The following RNF125 variants were observed in gnomAD, a reference collection of about 807,000 sequenced individuals.
RNF125 encodes ring finger protein 125, also known as E3 ubiquitin-protein ligase RNF125.
In RNF125, 21 loss-of-function variants were observed where a neutral mutation model predicts 26.0. The ratio of observed to expected loss-of-function variants is 0.81; its 90% confidence interval spans 0.57 to 1.16. The LOEUF (loss-of-function observed/expected upper bound fraction) is 1.16, where lower values mean the gene tolerates loss of function less well. RNF125 is among the 50% of genes most tolerant of loss of function. RNF125 has a pLI of 0.00. For missense variants in RNF125, 270 were observed against 299.4 expected (o/e 0.90, Z 0.72); for synonymous variants, 95 against 109.2 (o/e 0.87, Z 0.81).
intron 1 of RNF125, 125 bp downstream of exon 1, chr18:32,019,152 A>G: frequency 8.6e-7 from 1 of 1,158,398 alleles, no homozygotes; most frequent in Non-Finnish European, 1.2e-6. Flanking sequence ...GCAGGGAGAA[A>G]CCTGGACCCG....
chr18:32,062,499 A>T (rs750939670), intron 4 of RNF125, among the ~76,000 whole-genome samples: 2 of 152,230 alleles, frequency 1.3e-5, no homozygotes, highest in Non-Finnish European at 2.9e-5. Context: ...AATTAAAAGG[A>T]TGTAATTTTA....
chr18:32,050,627 C>A (rs2039314480), intron 4 of RNF125, among the ~76,000 whole-genome samples: 1 of 152,000 alleles, frequency 6.6e-6, no homozygotes, highest in Admixed American at 6.6e-5. Flanking sequence ...GCATGAGCCA[C>A]TAAGCTCGGT....
At chr18:32,090,109 G>T in the RNF125 span, among the ~76,000 whole-genome samples, 1 of 152,212 alleles carries the variant, frequency 6.6e-6, no homozygotes, top group African/African-American at 2.4e-5. Context: ...AGTTTGGCAT[G>T]GTGGTGCATG....
At chr18:32,086,655 G>T in the RNF125 span, among the ~76,000 whole-genome samples, 588 of 152,098 alleles carry the variant, frequency 3.9e-3, 5 homozygotes, top group African/African-American at 0.014. Context: ...TAAGTAGCTG[G>T]GATTACAGGC....
downstream of RNF125, chr18:32,075,777 C>T: frequency 1.8e-6 from 1 of 561,648 alleles, no homozygotes. Context: ...TGCCATGCCA[C>T]CTTTTCACTG....
chr18:32,030,960 T>C (rs969042018), intron 1 of RNF125: 3 of 152,014 alleles, frequency 2.0e-5, no homozygotes, highest in Admixed American at 2.0e-4. Flanking sequence ...CCTCAGAGAG[T>C]TGGCTTTTAT....
intron 2 of RNF125, among the ~76,000 whole-genome samples, chr18:32,040,329 T>C (rs949580173): frequency 2.8e-5 from 4 of 144,868 alleles, no homozygotes; most frequent in Admixed American, 7.3e-5. Flanking sequence ...TGTAGTGCAG[T>C]GGCACCATCT....
At chr18:32,078,438 A>G in the RNF125 span, among the ~76,000 whole-genome samples, 2 of 152,132 alleles carry the variant, frequency 1.3e-5, no homozygotes, top group Non-Finnish European at 2.9e-5. Flanking sequence ...TCCTTCCTGT[A>G]GGATATAGCT....
At chr18:32,079,675 T>C in the RNF125 span, among the ~76,000 whole-genome samples, 1 of 152,208 alleles carries the variant, frequency 6.6e-6, no homozygotes, top group Non-Finnish European at 1.5e-5. Flanking sequence ...AAGATGTTCT[T>C]AATGAATAAT....
the RNF125 span, among the ~76,000 whole-genome samples, chr18:32,086,542 T>C: frequency 1.3e-5 from 2 of 151,432 alleles, no homozygotes; most frequent in Non-Finnish European, 2.9e-5. Flanking sequence ...TTTTTTAAGA[T>C]GGAGTTTTGC....
At chr18:32,045,048 G>A (rs956851357) in intron 3 of RNF125, among the ~76,000 whole-genome samples, 1 of 151,560 alleles carries the variant, frequency 6.6e-6, no homozygotes, top group South Asian at 2.1e-4. Flanking sequence ...AGCCCAGGAA[G>A]TGGAGGTTGC....
At chr18:32,083,267 C>A in the RNF125 span, among the ~76,000 whole-genome samples, 410 of 152,218 alleles carry the variant, frequency 2.7e-3, 4 homozygotes, top group African/African-American at 9.4e-3. Context: ...CAGATTAAGA[C>A]CCAAGTAAAG....
rs1341421116 is a variant in RNF125 at position 32,071,433 on chromosome 18, A to T, written c.*3049A>T. 1 of 152,130 alleles carries T rather than the reference A, an allele frequency of 6.6e-6. No individual in the cohort carries two copies. Among genetic ancestry groups the T allele is most frequent in the East Asian group, 1.9e-4 (1 of 5,196 alleles). The allele number at this position is 152,130 out of a possible 1,614,324, so 9.4% of individuals were successfully genotyped here. A position where few individuals can be genotyped will look rare whatever the true frequency, so the allele number is the denominator to read the frequency against. On this transcript the variant is annotated 3_prime_UTR_variant, in exon 6 of 6. Coordinates refer to ENST00000217740, the MANE Select transcript of RNF125 (RefSeq NM_017831.4). ...ACAGGTGTGTGCCACCGCGCCAGGC[A>T]ATTGCCCCCAGTTTTTATTTGATGG...
At chr18:32,039,250 G>T (rs1466579879) in intron 2 of RNF125, among the ~76,000 whole-genome samples, 1 of 151,788 alleles carries the variant, frequency 6.6e-6, no homozygotes, top group Non-Finnish European at 1.5e-5. Context: ...AAAAAAATTA[G>T]CTGGGGCATA....
At chr18:32,083,587 C>T in the RNF125 span, among the ~76,000 whole-genome samples, 36 of 152,266 alleles carry the variant, frequency 2.4e-4, no homozygotes, top group Middle Eastern at 0.01. Context: ...GCGAGGAAGC[C>T]GGGGCAGAAC....
At chr18:32,025,805 A>C (rs1227399729) in intron 1 of RNF125, among the ~76,000 whole-genome samples, 1 of 151,738 alleles carries the variant, frequency 6.6e-6, no homozygotes, top group African/African-American at 2.4e-5. Context: ...AGGCCTCTTC[A>C]TGTGGTATCA....
At chr18:32,058,132 TAAAAAAAA>T (rs780204451) in intron 4 of RNF125, among the ~76,000 whole-genome samples, 2 of 80,676 alleles carry the variant, frequency 2.5e-5, no homozygotes, top group African/African-American at 1.0e-4. Context: ...ACCCCATCTC[TAAAAAAAA>T]AAAAAAAAAA....
At position 32,062,614 on chromosome 18, in the gene RNF125, A is replaced by T. The variant is rs568323956; in HGVS notation, c.505-3288A>T. 5.3e-5 allele frequency among the ~76,000 whole-genome samples: 8 copies of T among 152,270 alleles called. No individual in the cohort carries two copies. The South Asian group carries it at 1.7e-3, about 32-fold the overall frequency. On this transcript the variant is annotated intron_variant, in intron 4 of 5. Transcript: ENST00000217740. ...AAACTGAGATCCTCATAAAACAATAAGAAAGAAAAGAAATATATAAAGACC... is the reference window on the plus strand; with the variant it reads ...AAACTGAGATCCTCATAAAACAATATGAAAGAAAAGAAATATATAAAGACC...
downstream of RNF125, chr18:32,076,265 C>T (rs978631829): frequency 3.8e-5 from 15 of 391,750 alleles, no homozygotes; most frequent in African/African-American, 1.9e-4. Context: ...GACATTTATG[C>T]GCACCATTGT....
Sources: allele counts gnomAD v4.1 joint callset (sites outside exome capture counted in the v4.1 genomes callset), GRCh38; gene constraint gnomAD v4.1.1; transcripts MANE v1.5; gene names NCBI Gene and HGNC (gene_info 2026-07-23, HGNC 2026-07-21).